Variants in RAPGEF2 observed in about 807,000 individuals in gnomAD.
The protein encoded by RAPGEF2 is PDZ domain containing guanine nucleotide exchange factor (GEF) 1.
A neutral mutation model predicts 186.7 loss-of-function variants in RAPGEF2; 54 were observed. The ratio of observed to expected loss-of-function variants is 0.29; its 90% CI spans 0.23 to 0.36. RAPGEF2 has a LOEUF of 0.36. RAPGEF2 is among the 10% of genes least tolerant of loss of function. The pLI, the probability that RAPGEF2 is intolerant of heterozygous loss-of-function variation, is 1.00. For missense variants in RAPGEF2, 1,532 were observed against 2,045.0 expected, an observed-to-expected ratio of 0.75 and a Z score of 4.84; for synonymous variants, 712 against 705.9, an observed-to-expected ratio of 1.01 and a Z score of -0.14.
At chr4:159,351,250 A>G in intron 26 of RAPGEF2, 1 of 1,437,284 alleles carries the variant, frequency 7.0e-7, no homozygotes, top group Non-Finnish European at 9.2e-7. Flanking sequence ...TGAAAATGGG[A>G]GAATTCCTCC....
chr4:159,243,467 T>G (rs989462459), intron 6 of RAPGEF2, among the ~76,000 whole-genome samples: 1 of 151,980 alleles, frequency 6.6e-6, no homozygotes, highest in Admixed American at 6.6e-5. Context: ...CTACGCCATA[T>G]TTACTTATTC....
At chr4:159,342,526 C>CTTTTATTTTA (rs200624687) in intron 20 of RAPGEF2, among the ~76,000 whole-genome samples, 1,640 of 108,388 alleles carry the variant, frequency 0.015, 61 homozygotes, top group Admixed American at 0.022. Flanking sequence ...ACTATCATAG[C>CTTTTATTTTA]TTTTATTTTA....
chr4:159,120,398 C>T (rs1034869851), intron 1 of RAPGEF2, among the ~76,000 whole-genome samples: 8 of 152,124 alleles, frequency 5.3e-5, no homozygotes, highest in African/African-American at 1.2e-4. Flanking sequence ...TGCACTTTGT[C>T]GAATTTATAC....
At chr4:159,221,024 G>GA (rs922559129) in intron 4 of RAPGEF2, among the ~76,000 whole-genome samples, 2 of 152,200 alleles carry the variant, frequency 1.3e-5, no homozygotes, top group African/African-American at 4.8e-5. Flanking sequence ...GGAGTCTGGG[G>GA]AAAGCGTATG....
At chr4:159,314,793 CT>C in intron 9 of RAPGEF2, 25 bp downstream of exon 9, 2 of 1,551,598 alleles carry the variant, frequency 1.3e-6, no homozygotes, top group Non-Finnish European at 1.7e-6. Flanking sequence ...GAAAATGAAT[CT>C]ACGAGCAATT....
intron 4 of RAPGEF2, among the ~76,000 whole-genome samples, chr4:159,212,337 G>A (rs1402907928): frequency 2.0e-5 from 3 of 152,054 alleles, no homozygotes; most frequent in African/African-American, 7.2e-5. Context: ...CTGGCAAATG[G>A]TATTTAAGCA....
chr4:159,149,931 A>G (rs1017423052), intron 1 of RAPGEF2, among the ~76,000 whole-genome samples: 2 of 152,204 alleles, frequency 1.3e-5, no homozygotes, highest in African/African-American at 4.8e-5. Context: ...TGGCACTAAC[A>G]CTGGTCTAAA....
rs762752578 is a variant in RAPGEF2, at chr4:159,356,096, C to T, written c.4895C>T (p.Pro1632Leu). ...GTGAACAAACCTCAGTGGCATAAAC[C>T]GAACGAGTCTGACCCGCGCCTCGCC... Reference protein sequence around the residue: ...RPVNKPQWHKPNESDPRLAPY... With the variant: ...RPVNKPQWHKLNESDPRLAPY... The change falls in exon 29 of 30, where the codon CCG becomes CTG. Residue 1632 changes from proline to leucine, a missense_variant. Physicochemically the swap from Pro to Leu is moderately conservative, Grantham distance 98. Transcript: ENST00000691494. 46 of 1,614,044 alleles carry T rather than the reference C, an allele frequency of 2.8e-5. No homozygotes were observed. Among genetic ancestry groups the T allele is most frequent in the Middle Eastern group, 1.6e-4 (1 of 6,084 alleles).
At chr4:159,347,823 T>C (rs1730562382) in intron 25 of RAPGEF2, among the ~76,000 whole-genome samples, 1 of 152,148 alleles carries the variant, frequency 6.6e-6, no homozygotes, top group African/African-American at 2.4e-5. Context: ...TTAGCCCCTT[T>C]GTGGAAGTGG....
intron 1 of RAPGEF2, among the ~76,000 whole-genome samples, chr4:159,164,438 T>G (rs1745082804): frequency 6.6e-6 from 1 of 152,118 alleles, no homozygotes. Flanking sequence ...ATTTGAAAAT[T>G]CTACTGTAGC....
intron 29 of RAPGEF2, 138 bp downstream of exon 29, chr4:159,356,296 G>A (rs1731999073): frequency 2.1e-6 from 2 of 931,932 alleles, no homozygotes; most frequent in East Asian, 2.7e-5. Flanking sequence ...TACATTCAGA[G>A]TTCCAAATTT....
intron 7 of RAPGEF2, among the ~76,000 whole-genome samples, chr4:159,266,233 G>C (rs1399095529): frequency 6.6e-6 from 1 of 152,146 alleles, no homozygotes; most frequent in Non-Finnish European, 1.5e-5. Context: ...GATGTGGTGG[G>C]AATGGTTGCC....
chr4:159,235,428 C>T (rs565285962), intron 4 of RAPGEF2, among the ~76,000 whole-genome samples: 80 of 152,168 alleles, frequency 5.3e-4, no homozygotes, highest in Non-Finnish European at 8.1e-4. Context: ...CAGTGTAGAG[C>T]ATTTCATTGT....
chr4:159,237,680 T>A (rs1231813174), intron 4 of RAPGEF2, among the ~76,000 whole-genome samples: 1 of 151,904 alleles, frequency 6.6e-6, no homozygotes, highest in Non-Finnish European at 1.5e-5. Context: ...AAAGCATTTT[T>A]TTCTTAAAGA....
intron 1 of RAPGEF2, among the ~76,000 whole-genome samples, chr4:159,152,078 T>C (rs145250317): frequency 6.6e-6 from 1 of 152,304 alleles, no homozygotes; most frequent in East Asian, 1.9e-4. Context: ...TTCTGGCCTT[T>C]GGTGAGGCTG....
At chr4:159,160,440 A>G (rs1297259266) in intron 1 of RAPGEF2, among the ~76,000 whole-genome samples, 1 of 152,238 alleles carries the variant, frequency 6.6e-6, no homozygotes, top group Non-Finnish European at 1.5e-5. Flanking sequence ...TGAAGCTTCA[A>G]ACCCATCTGT....
chr4:159,147,946 G>A (rs1450079378), intron 1 of RAPGEF2, among the ~76,000 whole-genome samples: 1 of 152,098 alleles, frequency 6.6e-6, no homozygotes, highest in African/African-American at 2.4e-5. Context: ...CCTCACAAAT[G>A]TTTTAAAAAA....
At chr4:159,220,266 G>A (rs148874464) in intron 4 of RAPGEF2, among the ~76,000 whole-genome samples, 204 of 151,826 alleles carry the variant, frequency 1.3e-3, no homozygotes, top group African/African-American at 4.3e-3. Context: ...ACACTAGCAC[G>A]TGTTTGTGTG....
At chr4:159,116,714 G>GA (rs1438669304) in intron 1 of RAPGEF2, among the ~76,000 whole-genome samples, 1 of 152,226 alleles carries the variant, frequency 6.6e-6, no homozygotes, top group African/African-American at 2.4e-5. Flanking sequence ...GTACACCATG[G>GA]AATACTCTGT....
Sources: gnomAD v4.1 joint callset for allele counts (sites outside exome capture counted in the v4.1 genomes callset) on GRCh38, gnomAD v4.1.1 for gene constraint, MANE v1.5 for transcripts, NCBI Gene and HGNC (gene_info 2026-07-23, HGNC 2026-07-21) for gene names.